The following LIPA variants were observed in gnomAD, a reference collection of about 807,000 sequenced individuals.
The protein encoded by LIPA is lysosomal acid lipase/cholesteryl ester hydrolase.
LIPA carries 26 observed loss-of-function variants against 40.6 expected under a neutral mutation model. The ratio of observed to expected loss-of-function variants is 0.64; its 90% CI spans 0.47 to 0.89. LIPA has a LOEUF of 0.89. Among genes scored for constraint, LIPA ranks in the 40% least tolerant of loss-of-function variants. The pLI, the probability that LIPA is intolerant of heterozygous loss-of-function variation, is 0.00. For missense variants in LIPA, 455 were observed against 479.6 expected, an observed-to-expected ratio of 0.95 and a Z score of 0.48; for synonymous variants, 188 against 168.4, an observed-to-expected ratio of 1.12 and a Z score of -0.90.
intron 2 of LIPA, among the ~76,000 whole-genome samples, chr10:89,377,796 C>T (rs1229283101): frequency 1.3e-5 from 2 of 152,310 alleles, no homozygotes; most frequent in East Asian, 3.9e-4. Flanking sequence ...TTCCACAACA[C>T]TGAATGTCAT....
upstream of LIPA, among the ~76,000 whole-genome samples, chr10:89,254,519 C>T (rs1843171516): frequency 6.6e-6 from 1 of 152,222 alleles, no homozygotes; most frequent in Non-Finnish European, 1.5e-5. Context: ...TCCTAGGCCT[C>T]TGGGCCTGTG....
At chr10:89,252,882 C>A (rs1843150351), upstream of LIPA, among the ~76,000 whole-genome samples, 6 of 151,508 alleles carry the variant, frequency 4.0e-5, no homozygotes, top group Middle Eastern at 6.9e-3. Context: ...TGAAGTGACA[C>A]CTGAGCACAG....
In LIPA at chr10:89,407,928, C is replaced by A. The variant is rs991887793; in HGVS notation, c.61+4863G>T. On this transcript the variant is annotated intron_variant, in intron 2 of 8. Coordinates refer to the LIPA transcript ENST00000371837. The stretch of plus-strand genomic sequence containing the variant: ...GTTTCTGCTGCTGCATTGGTGAGTG[C>A]AACTATTCCAATCAGCAGGGTCCAG... Among the ~76,000 whole-genome samples the A allele has an allele frequency of 3.3e-5, 5 of 152,034 alleles. No homozygotes were observed. The East Asian group carries it at 5.8e-4, about 18-fold the overall frequency.
chr10:89,405,399 A>T (rs571699422), intron 2 of LIPA: 1 of 152,354 alleles, frequency 6.6e-6, no homozygotes, highest in East Asian at 1.9e-4. Context: ...AAAATAAATA[A>T]GCAATGTTAT....
At chr10:89,264,498 A>G (rs1449873728) in intron 1 of LIPA, among the ~76,000 whole-genome samples, 1 of 151,960 alleles carries the variant, frequency 6.6e-6, no homozygotes, top group Non-Finnish European at 1.5e-5. Flanking sequence ...CCTATCCACA[A>G]GCAGGTAATC....
chr10:89,293,477 G>A (rs921272303), intron 1 of LIPA: 1 of 151,880 alleles, frequency 6.6e-6, no homozygotes, highest in African/African-American at 2.4e-5. Flanking sequence ...GTCCCATATT[G>A]TCTAATTTAT....
At position 89,245,799 on chromosome 10, in the gene LIPA, G is replaced by A. The variant is rs141302830; in HGVS notation, c.112-6C>T. On this transcript the variant is annotated splice_region_variant and splice_polypyrimidine_tract_variant and intron_variant, in intron 2 of 9. Coordinates refer to ENST00000336233, the MANE Select transcript of LIPA (RefSeq NM_000235.4). ...CAGTAAGAGATAATTTCACTCTGTAGAGAAAAAGGACGATGGAAATTGGGT... is the reference window on the plus strand; with the variant it reads ...CAGTAAGAGATAATTTCACTCTGTAAAGAAAAAGGACGATGGAAATTGGGT... 8.7e-4 allele frequency: 1,208 copies of A among 1,393,970 alleles called. 12 individuals carry two copies. In the East Asian group the frequency reaches 0.019, roughly 22 times the overall value. 86.4% of individuals were successfully genotyped at this position (1,393,970 alleles called of 1,614,324 possible).
At chr10:89,349,321 C>A (rs949877981) in intron 2 of LIPA, among the ~76,000 whole-genome samples, 4 of 151,052 alleles carry the variant, frequency 2.6e-5, no homozygotes, top group African/African-American at 9.9e-5. Flanking sequence ...CCTACATCTC[C>A]CCTCCCCTCT....
intron 1 of LIPA, among the ~76,000 whole-genome samples, chr10:89,333,511 G>A (rs1045940842): frequency 6.6e-6 from 1 of 152,114 alleles, no homozygotes; most frequent in Non-Finnish European, 1.5e-5. Context: ...AGAGGCAGGA[G>A]GGGGGAGGGG....
At chr10:89,393,410 T>C (rs1270026595) in intron 2 of LIPA, 4 of 757,988 alleles carry the variant, frequency 5.3e-6, no homozygotes, top group Non-Finnish European at 7.3e-6. Flanking sequence ...CTAAAGGGCC[T>C]AATGTGGGAA....
At chr10:89,391,520 A>AT (rs1564806436) in intron 2 of LIPA, among the ~76,000 whole-genome samples, 1 of 151,784 alleles carries the variant, frequency 6.6e-6, no homozygotes, top group African/African-American at 2.4e-5. Context: ...CCGGACAACA[A>AT]TTTTTTATTT....
rs367641760 is a variant in LIPA, at chr10:89,412,567, G to A, written c.61+224C>T. Reference sequence around the variant, plus strand: ...CACGTCGTGGAAGTTTTGTTCTTTCGCTCTTCGCAACGAATCTTGCTGCTG... The same window carrying A: ...CACGTCGTGGAAGTTTTGTTCTTTCACTCTTCGCAACGAATCTTGCTGCTG... On this transcript the variant is annotated intron_variant, in intron 2 of 8. Transcript: ENST00000371837. The A allele has an allele frequency of 3.5e-5, 6 of 170,206 alleles. No homozygotes were observed. The South Asian group carries it at 5.8e-4, about 16-fold the overall frequency. 10.5% of individuals were successfully genotyped at this position (170,206 alleles called of 1,614,324 possible). A position where few individuals can be genotyped will look rare whatever the true frequency, so the allele number is the denominator to read the frequency against.
intron 1 of LIPA, chr10:89,339,292 T>C: frequency 1.9e-6 from 3 of 1,614,106 alleles, no homozygotes; most frequent in Non-Finnish European, 2.5e-6. Flanking sequence ...CAAGGTTCTC[T>C]TGGGCCTGAA....
chr10:89,342,896 C>T (rs926105388), upstream of LIPA, among the ~76,000 whole-genome samples: 1 of 152,176 alleles, frequency 6.6e-6, no homozygotes, highest in Non-Finnish European at 1.5e-5. Flanking sequence ...TTATGATGTT[C>T]TTTTGTTTTC....
At chr10:89,281,111 C>T (rs1001531288) in intron 1 of LIPA, among the ~76,000 whole-genome samples, 10 of 152,192 alleles carry the variant, frequency 6.6e-5, no homozygotes, top group African/African-American at 2.4e-4. Context: ...GTATTTGCAA[C>T]TCTTGAGAAG....
intron 3 of LIPA, among the ~76,000 whole-genome samples, chr10:89,241,982 A>T (rs991737941): frequency 2.0e-5 from 3 of 152,152 alleles, no homozygotes; most frequent in African/African-American, 7.2e-5. Context: ...GTCTTATCCA[A>T]CAAAATGAGG....
intron 2 of LIPA, among the ~76,000 whole-genome samples, chr10:89,353,626 G>A (rs116266611): frequency 6.6e-6 from 1 of 152,128 alleles, no homozygotes; most frequent in Non-Finnish European, 1.5e-5. Flanking sequence ...CAAGTCAAAG[G>A]TTAAACCATG....
At chr10:89,384,951 C>A in intron 2 of LIPA, 1 of 528,174 alleles carries the variant, frequency 1.9e-6, no homozygotes, top group Non-Finnish European at 3.3e-6. Flanking sequence ...AGACATAAGA[C>A]CCCCTGAAAG....
intron 3 of LIPA, among the ~76,000 whole-genome samples, chr10:89,238,708 C>T (rs2183935): frequency 0.32 from 48,138 of 151,820 alleles, 9,892 homozygotes; most frequent in African/African-American, 0.59. Context: ...GTAAATACAT[C>T]CTATTTTCCT....
Sources: gnomAD v4.1 joint callset for allele counts (sites outside exome capture counted in the v4.1 genomes callset) on GRCh38, gnomAD v4.1.1 for gene constraint, MANE v1.5 for transcripts, NCBI Gene and HGNC (gene_info 2026-07-23, HGNC 2026-07-21) for gene names.